MACF1: variants seen among roughly 807,000 people sequenced by gnomAD.
MACF1 encodes microtubule-actin cross-linking factor 1.
Under a neutral mutation model 854.8 loss-of-function variants are expected in MACF1, and 193 were observed. The observed-to-expected ratio is 0.23, with a 90% CI of 0.20 to 0.25. The LOEUF is 0.25. Among genes scored for constraint, MACF1 ranks in the 10% least tolerant of loss-of-function variants. The probability of loss-of-function intolerance (pLI) is 1.00; values close to 1 mark genes in which losing one functional copy is unlikely to be tolerated. For missense variants in MACF1, 7,722 were observed against 8,929.1 expected, an observed-to-expected ratio of 0.86 and a Z score of 5.45; for synonymous variants, 3,185 against 3,226.7, an observed-to-expected ratio of 0.99 and a Z score of 0.44.
chr1:39,398,172 C>T (rs1557630745), intron 58 of MACF1, among the ~76,000 whole-genome samples: 1 of 150,332 alleles, frequency 6.7e-6, no homozygotes, highest in Non-Finnish European at 1.5e-5. Context: ...CAGTTTCACT[C>T]CCATCACCCA....
intron 97 of MACF1, among the ~76,000 whole-genome samples, chr1:39,472,324 G>A (rs1644793854): frequency 6.6e-6 from 1 of 152,068 alleles, no homozygotes; most frequent in African/African-American, 2.4e-5. Context: ...TCAGAATTTG[G>A]TGTTTCCTTC....
At chr1:39,372,827 C>A in intron 52 of MACF1, 1 of 430,886 alleles carries the variant, frequency 2.3e-6, no homozygotes, top group South Asian at 2.4e-5. Context: ...AACTAGTTGT[C>A]CCACTTAGAA....
chr1:39,130,225 T>C (rs1642964930), intron 2 of MACF1, among the ~76,000 whole-genome samples: 1 of 152,238 alleles, frequency 6.6e-6, no homozygotes, highest in South Asian at 2.1e-4. Flanking sequence ...GAACAGAGTA[T>C]AAATATAGCC....
intron 60 of MACF1, among the ~76,000 whole-genome samples, chr1:39,423,270 T>A (rs887241167): frequency 2.0e-5 from 3 of 152,114 alleles, no homozygotes; most frequent in African/African-American, 7.2e-5. Context: ...TTTTTCTTTT[T>A]AAAAAAAATT....
intron 15 of MACF1, among the ~76,000 whole-genome samples, chr1:39,290,665 C>CTT (rs71060307): frequency 3.4e-5 from 2 of 59,402 alleles, no homozygotes; most frequent in African/African-American, 5.2e-5. Context: ...GTTGATGTAA[C>CTT]TTTTTTTTTT....
chr1:39,146,335 C>T (rs1422875261), intron 2 of MACF1, among the ~76,000 whole-genome samples: 2 of 151,280 alleles, frequency 1.3e-5, no homozygotes, highest in East Asian at 1.9e-4. Context: ...CCCAGCTACT[C>T]GGGAGGCTGA....
At chr1:39,121,737 C>T (rs745888178) in intron 2 of MACF1, among the ~76,000 whole-genome samples, 7 of 152,134 alleles carry the variant, frequency 4.6e-5, no homozygotes, top group Non-Finnish European at 7.3e-5. Flanking sequence ...CGTGAGCCAC[C>T]GCGCCAGGCC....
rs1641853475 is a variant in MACF1 at position 39,387,514 on chromosome 1, C to T, written c.14672C>T (p.Thr4891Ile). Residue 4891 changes from threonine (T) to isoleucine (I), a missense_variant, in exon 58 of 101, where the codon ACT becomes ATT. Thr to Ile is a moderately conservative substitution (Grantham distance 89). Transcript: ENST00000564288. Reference sequence around the variant, plus strand: ...CATTGGGAAGAGCTTAGTAAAAAAACTGCAGACAGACAATCCAGGCTCAAG... The same window carrying T: ...CATTGGGAAGAGCTTAGTAAAAAAATTGCAGACAGACAATCCAGGCTCAAG... ...KNHWEELSKK[T>I]ADRQSRLKDC... 6.2e-7 allele frequency: 1 copy of T among 1,614,022 alleles called. No homozygotes were observed. The highest frequency in any genetic ancestry group is 8.5e-7 in the Non-Finnish European group (1 of 1,180,034).
At chr1:39,450,906 C>T (rs1570127783) in intron 84 of MACF1, 146 bp from the exon 85 acceptor site, 15 of 901,624 alleles carry the variant, frequency 1.7e-5, no homozygotes, top group East Asian at 8.4e-5. Context: ...CCACCGCGCC[C>T]GGCCTTTACT....
chr1:39,179,698 T>C (rs1644078851), intron 2 of MACF1, among the ~76,000 whole-genome samples: 1 of 152,150 alleles, frequency 6.6e-6, no homozygotes, highest in Admixed American at 6.5e-5. Context: ...CCAGTGCTAA[T>C]TGTATAGTTT....
chr1:39,385,382 G>A, intron 56 of MACF1, 52 bp from the exon 57 acceptor site: 2 of 1,585,982 alleles, frequency 1.3e-6, no homozygotes, highest in Non-Finnish European at 1.7e-6. Flanking sequence ...ACTGCTTTTA[G>A]ATAGATCTGT....
chr1:39,135,469 G>A (rs1024149552), intron 2 of MACF1, among the ~76,000 whole-genome samples: 2 of 151,972 alleles, frequency 1.3e-5, no homozygotes, highest in African/African-American at 4.8e-5. Flanking sequence ...GGCTGATCTC[G>A]AACTCTTGAT....
At chr1:39,281,745 A>T (rs1645551074) in intron 6 of MACF1, among the ~76,000 whole-genome samples, 1 of 152,214 alleles carries the variant, frequency 6.6e-6, no homozygotes, top group Non-Finnish European at 1.5e-5. Context: ...TCAACCCCTC[A>T]TTAGAATTTA....
chr1:39,102,097 A>AC (rs1293438911), intron 2 of MACF1, among the ~76,000 whole-genome samples: 1 of 149,422 alleles, frequency 6.7e-6, no homozygotes, highest in Non-Finnish European at 1.5e-5. Flanking sequence ...AATGGCGTGA[A>AC]CCCCGGGGGG....
intron 11 of MACF1, 42 bp from the exon 12 acceptor site, chr1:39,285,041 G>A: frequency 1.2e-6 from 2 of 1,610,024 alleles, no homozygotes; most frequent in East Asian, 2.2e-5. Flanking sequence ...TGGGACAAGA[G>A]GGCATGGCTG....
intron 6 of MACF1, chr1:39,269,099 G>A: frequency 7.8e-7 from 1 of 1,289,762 alleles, no homozygotes; most frequent in Non-Finnish European, 1.0e-6. Flanking sequence ...GAGGGGTCTG[G>A]GATTCCCTGG....
Position 39,322,911 on chromosome 1 carries a change from T to C in MACF1, c.4139T>C (p.Phe1380Ser). The C allele has an allele frequency of 1.2e-6, 2 of 1,613,680 alleles. No homozygotes were observed. Among genetic ancestry groups the C allele is most frequent in the Non-Finnish European group, 1.7e-6 (2 of 1,179,524 alleles). Residue 1380 changes from phenylalanine to serine, a missense_variant and splice_region_variant, in exon 33 of 101, where the codon TTC (phenylalanine) becomes TCC (serine). Physicochemically the swap from Phe to Ser is radical, Grantham distance 155. Coordinates refer to ENST00000564288, the MANE Select transcript of MACF1 (RefSeq NM_001394062.1). Reference sequence around the variant, plus strand: ...TTAAATTGTTCTTTTGAACCACAGTTCATGGACTTAAGGACTCGCTACACG... The same window carrying C: ...TTAAATTGTTCTTTTGAACCACAGTCCATGGACTTAAGGACTCGCTACACG... ...LSSSDAITQE[F>S]MDLRTRYTAL...
At chr1:39,145,496 C>G (rs1017375822) in intron 2 of MACF1, among the ~76,000 whole-genome samples, 2 of 151,232 alleles carry the variant, frequency 1.3e-5, no homozygotes, top group Admixed American at 6.6e-5. Flanking sequence ...AAGCTTATCT[C>G]TTCTTCAGAC....
At chr1:39,336,980 T>TC (rs1326038518) in intron 37 of MACF1, among the ~76,000 whole-genome samples, 1 of 152,262 alleles carries the variant, frequency 6.6e-6, no homozygotes, top group Non-Finnish European at 1.5e-5. Flanking sequence ...GATTGATAGC[T>TC]CTGAGCTTCT....
Sources: allele counts gnomAD v4.1 joint callset (sites outside exome capture counted in the v4.1 genomes callset), GRCh38; gene constraint gnomAD v4.1.1; transcripts MANE v1.5; gene names NCBI Gene and HGNC (gene_info 2026-07-23, HGNC 2026-07-21).